AKAP13: variants seen among roughly 807,000 people sequenced by gnomAD.
AKAP13 encodes A-kinase anchoring protein 13, also known as A-kinase anchor protein 13.
Under a neutral mutation model 264.5 loss-of-function variants are expected in AKAP13, and 80 were observed. The observed-to-expected ratio is 0.30, with a 90% CI of 0.25 to 0.36. AKAP13 has a LOEUF of 0.36. Among genes scored for constraint, AKAP13 ranks in the 10% least tolerant of loss-of-function variants. The probability of loss-of-function intolerance (pLI) is 1.00; values close to 1 mark genes in which losing one functional copy is unlikely to be tolerated. For missense variants in AKAP13, 3,712 were observed against 3,435.2 expected, an observed-to-expected ratio of 1.08 and a Z score of -2.01; for synonymous variants, 1,380 against 1,250.2, an observed-to-expected ratio of 1.10 and a Z score of -2.19.
At chr15:85,702,060 A>G (rs919146648) in intron 17 of AKAP13, 9 of 152,072 alleles carry the variant, frequency 5.9e-5, no homozygotes, top group African/African-American at 1.9e-4. Context: ...CCTGACCAAC[A>G]TGGTGAAACC....
chr15:85,597,546 A>T (rs558424737), intron 8 of AKAP13, among the ~76,000 whole-genome samples: 7 of 152,232 alleles, frequency 4.6e-5, no homozygotes, highest in Non-Finnish European at 7.3e-5. Context: ...GGAAGGATAC[A>T]GCTGAATGTG....
At chr15:85,447,440 G>A (rs940738279) in intron 1 of AKAP13, among the ~76,000 whole-genome samples, 3 of 151,982 alleles carry the variant, frequency 2.0e-5, no homozygotes, top group Non-Finnish European at 2.9e-5. Flanking sequence ...CACATGTCAC[G>A]GGTGTTTGTT....
chr15:85,705,455 GA>G (rs774900583), intron 17 of AKAP13, among the ~76,000 whole-genome samples: 47 of 151,452 alleles, frequency 3.1e-4, no homozygotes, highest in South Asian at 2.9e-3. Context: ...TAAAACAAAA[GA>G]AAAAAAATAT....
At chr15:85,612,571 C>T (rs1034845393) in intron 8 of AKAP13, among the ~76,000 whole-genome samples, 1 of 152,048 alleles carries the variant, frequency 6.6e-6, no homozygotes, top group African/African-American at 2.4e-5. Flanking sequence ...CTGTAAATCC[C>T]AGCAGTTTGG....
intron 2 of AKAP13, among the ~76,000 whole-genome samples, chr15:85,507,315 A>G (rs1357246868): frequency 2.0e-5 from 3 of 151,984 alleles, no homozygotes; most frequent in African/African-American, 7.2e-5. Flanking sequence ...GTTTTTGTAA[A>G]TAAAGTTTTG....
At chr15:85,577,881 T>C in intron 6 of AKAP13, 1 of 945,868 alleles carries the variant, frequency 1.1e-6, no homozygotes, top group Non-Finnish European at 1.3e-6. Flanking sequence ...AGTAAGTATT[T>C]AGGGCACAGG....
intron 1 of AKAP13, among the ~76,000 whole-genome samples, chr15:85,431,779 G>A (rs1280027344): frequency 6.6e-6 from 1 of 152,150 alleles, no homozygotes; most frequent in African/African-American, 2.4e-5. Context: ...TTGCTTGTAG[G>A]CAATATGAAA....
At chr15:85,424,547 A>G (rs912153157) in intron 1 of AKAP13, among the ~76,000 whole-genome samples, 2 of 152,144 alleles carry the variant, frequency 1.3e-5, no homozygotes, top group Admixed American at 6.5e-5. Context: ...TTGATCTTCT[A>G]TCCAGACCAC....
Position 85,612,278 on chromosome 15 carries a change from C to T in AKAP13, c.4161+26455C>T, listed in dbSNP as rs563012705. 5.9e-5 allele frequency among the ~76,000 whole-genome samples: 9 copies of T among 152,266 alleles called. No individual in the cohort carries two copies. In the East Asian group the frequency reaches 1.5e-3, roughly 26 times the overall value. On this transcript the variant is annotated intron_variant, in intron 8 of 36. Transcript: ENST00000394518. ...TAGGAAAATTTGACAATACATGAAA[C>T]ATTTATTATGCTTTGAATAGGTGCA...
chr15:85,546,777 T>G (rs892017559), intron 5 of AKAP13, among the ~76,000 whole-genome samples: 1 of 151,522 alleles, frequency 6.6e-6, no homozygotes, highest in Admixed American at 6.6e-5. Flanking sequence ...GGAGTCTTGC[T>G]CTGTAGCCCA....
chr15:85,606,894 T>C (rs957127208), intron 8 of AKAP13, among the ~76,000 whole-genome samples: 9 of 152,124 alleles, frequency 5.9e-5, no homozygotes, highest in African/African-American at 2.2e-4. Flanking sequence ...AGCTAGATGC[T>C]CTTTACCCCA....
In AKAP13 at chr15:85,482,124, A is replaced by C. The variant is rs555759521; in HGVS notation, c.-11-3586A>C. 5.8e-4 allele frequency among the ~76,000 whole-genome samples: 88 copies of C among 152,344 alleles called. 1 individual carries two copies. The highest frequency in any genetic ancestry group is 1.4e-3 in the South Asian group (7 of 4,830). On this transcript the variant is annotated intron_variant, in intron 1 of 36. Transcript: ENST00000394518. ...AATGTATAAAATAAGTTAATGCATT[A>C]TATGCAGCGAGGTTTTGCATCAGAA...
intron 8 of AKAP13, among the ~76,000 whole-genome samples, chr15:85,632,515 C>A (rs2081883610): frequency 6.6e-6 from 1 of 152,138 alleles, no homozygotes; most frequent in Non-Finnish European, 1.5e-5. Context: ...ATAAAAGGAC[C>A]ATCAGGGCTT....
chr15:85,561,534 C>G (rs1377236366), intron 5 of AKAP13, among the ~76,000 whole-genome samples: 1 of 152,166 alleles, frequency 6.6e-6, no homozygotes, highest in Non-Finnish European at 1.5e-5. Context: ...ACTTTGATCA[C>G]ATCAATAAAT....
chr15:85,548,735 C>T (rs1481014128), intron 5 of AKAP13, among the ~76,000 whole-genome samples: 1 of 152,074 alleles, frequency 6.6e-6, no homozygotes, highest in Non-Finnish European at 1.5e-5. Flanking sequence ...GATCGGTCTA[C>T]CAGATATCTT....
intron 1 of AKAP13, among the ~76,000 whole-genome samples, chr15:85,430,836 A>G (rs1479393792): frequency 6.6e-6 from 1 of 152,144 alleles, no homozygotes; most frequent in Non-Finnish European, 1.5e-5. Context: ...GCAGGTGAAA[A>G]AGCAAGGCTT....
chr15:85,509,059 T>C (rs2076332762), intron 2 of AKAP13, among the ~76,000 whole-genome samples: 1 of 152,218 alleles, frequency 6.6e-6, no homozygotes, highest in Admixed American at 6.5e-5. Flanking sequence ...CCTGCTAAAA[T>C]ATAAGCTCCA....
At chr15:85,453,615 A>G (rs891203011) in intron 1 of AKAP13, among the ~76,000 whole-genome samples, 1 of 152,144 alleles carries the variant, frequency 6.6e-6, no homozygotes, top group Non-Finnish European at 1.5e-5. Context: ...AGGACTGCTT[A>G]AAAAAGCAGT....
chr15:85,712,378 C>G (rs77051286), intron 19 of AKAP13, among the ~76,000 whole-genome samples: 1 of 152,138 alleles, frequency 6.6e-6, no homozygotes, highest in African/African-American at 2.4e-5. Context: ...TGTGATCTTA[C>G]CCATTCCACA....
Sources: allele counts gnomAD v4.1 joint callset (sites outside exome capture counted in the v4.1 genomes callset), GRCh38; gene constraint gnomAD v4.1.1; transcripts MANE v1.5; gene names NCBI Gene and HGNC (gene_info 2026-07-23, HGNC 2026-07-21).